SH3BGRL2: variants seen among roughly 807,000 people sequenced by gnomAD.
The protein encoded by SH3BGRL2 is SH3 domain binding glutamate rich protein like 2, also known as SH3 domain-binding glutamic acid-rich-like protein 2.
SH3BGRL2 carries 21 observed loss-of-function variants against 14.8 expected under a neutral mutation model. The ratio of observed to expected loss-of-function variants is 1.42; its 90% confidence interval spans 1.01 to 2.05. The LOEUF (loss-of-function observed/expected upper bound fraction) is 2.05, where lower values mean the gene tolerates loss of function less well. Among genes scored for constraint, SH3BGRL2 ranks in the 30% most tolerant of loss-of-function variants. The probability of loss-of-function intolerance (pLI) is 0.00; values close to 1 mark genes in which losing one functional copy is unlikely to be tolerated. For missense variants in SH3BGRL2, 147 were observed against 130.8 expected, an observed-to-expected ratio of 1.12 and a Z score of -0.61; for synonymous variants, 50 against 47.8, an observed-to-expected ratio of 1.05 and a Z score of -0.19.
the SH3BGRL2 span, among the ~76,000 whole-genome samples, chr6:79,568,208 C>T: frequency 1.3e-5 from 2 of 152,106 alleles, no homozygotes; most frequent in African/African-American, 4.8e-5. Context: ...AGCAATTCCA[C>T]ATGTAGGTAT....
At chr6:79,692,479 T>C (rs1770239914) in intron 2 of SH3BGRL2, among the ~76,000 whole-genome samples, 1 of 152,238 alleles carries the variant, frequency 6.6e-6, no homozygotes, top group Non-Finnish European at 1.5e-5. Context: ...CTAGGGTTTT[T>C]ATGGTTCTAG....
chr6:79,655,365 C>T (rs1417945991), intron 1 of SH3BGRL2, among the ~76,000 whole-genome samples: 1 of 151,758 alleles, frequency 6.6e-6, no homozygotes, highest in African/African-American at 2.4e-5. Flanking sequence ...GCAGTGGCCC[C>T]TTAAGCTTAA....
In SH3BGRL2 at chr6:79,666,509, A is replaced by G. The variant is rs964608500; in HGVS notation, c.46-7105A>G. ...GACAGCATAATCCCTAATAAGGCCA[A>G]GGATGGTGTTTTATTTAAAGAATTT... On this transcript the variant is annotated intron_variant, in intron 1 of 3. Transcript: ENST00000369838. Among the ~76,000 whole-genome samples the G allele has an allele frequency of 7.9e-5, 12 of 152,288 alleles. No homozygotes were observed. The South Asian group carries it at 1.7e-3, about 21-fold the overall frequency.
chr6:79,552,200 A>G, the SH3BGRL2 span, among the ~76,000 whole-genome samples: 2 of 152,240 alleles, frequency 1.3e-5, no homozygotes, highest in Non-Finnish European at 2.9e-5. Context: ...AGTTACTGGA[A>G]TCAGTCTCTT....
chr6:79,641,087 G>A (rs1323796030), intron 1 of SH3BGRL2, among the ~76,000 whole-genome samples: 1 of 152,062 alleles, frequency 6.6e-6, no homozygotes, highest in East Asian at 1.9e-4. Context: ...AGACGTGGGA[G>A]TGTGGTCTTC....
At chr6:79,561,514 A>C in the SH3BGRL2 span, 1 of 152,336 alleles carries the variant, frequency 6.6e-6, no homozygotes, top group South Asian at 2.1e-4. Flanking sequence ...ATAAAATTCC[A>C]AACATCTTGG....
chr6:79,616,955 A>C, the SH3BGRL2 span, among the ~76,000 whole-genome samples: 2 of 152,234 alleles, frequency 1.3e-5, no homozygotes, highest in South Asian at 4.1e-4. Flanking sequence ...TGGGAGGCCA[A>C]GGCGGGCAGA....
At chr6:79,648,635 G>C (rs545748422) in intron 1 of SH3BGRL2, among the ~76,000 whole-genome samples, 1 of 151,756 alleles carries the variant, frequency 6.6e-6, no homozygotes, top group Non-Finnish European at 1.5e-5. Flanking sequence ...AGTTCTTCAC[G>C]GTTAGGGACC....
the SH3BGRL2 span, chr6:79,575,341 C>T: frequency 6.6e-6 from 1 of 152,058 alleles, no homozygotes; most frequent in Non-Finnish European, 1.5e-5. Context: ...TCAGTTTATA[C>T]GAGAGCTGAG....
At chr6:79,574,677 A>T in the SH3BGRL2 span, 21 of 152,342 alleles carry the variant, frequency 1.4e-4, no homozygotes, top group African/African-American at 4.6e-4. Context: ...AAAAATGACT[A>T]AAATGGTAAA....
the SH3BGRL2 span, among the ~76,000 whole-genome samples, chr6:79,537,886 TGA>T: frequency 6.6e-6 from 1 of 152,024 alleles, no homozygotes; most frequent in Non-Finnish European, 1.5e-5. Context: ...GGATGCGGGG[TGA>T]GTGCACTATT....
intron 1 of SH3BGRL2, among the ~76,000 whole-genome samples, chr6:79,632,880 T>G (rs1768852599): frequency 6.6e-6 from 1 of 152,248 alleles, no homozygotes; most frequent in Non-Finnish European, 1.5e-5. Context: ...TTACTAAGAA[T>G]GCTACAAAGC....
At chr6:79,562,968 T>G in the SH3BGRL2 span, among the ~76,000 whole-genome samples, 32 of 152,110 alleles carry the variant, frequency 2.1e-4, no homozygotes, top group Non-Finnish European at 1.5e-4. Flanking sequence ...TGTTTGCTTG[T>G]TTTTTGAGAC....
chr6:79,689,474 G>A (rs1957734028), intron 2 of SH3BGRL2, among the ~76,000 whole-genome samples: 1 of 151,954 alleles, frequency 6.6e-6, no homozygotes, highest in African/African-American at 2.4e-5. Flanking sequence ...CTTTAAGAAT[G>A]GTTTCAATTT....
At position 79,699,739 on chromosome 6, in the gene SH3BGRL2, G is replaced by A; in HGVS notation, c.*230G>A. 1 of 482,368 alleles carries A rather than the reference G, an allele frequency of 2.1e-6. No homozygotes were observed. The highest frequency in any genetic ancestry group is 6.6e-5 in the South Asian group (1 of 15,088). 29.9% of individuals were successfully genotyped at this position (482,368 alleles called of 1,614,324 possible). On this transcript the variant is annotated 3_prime_UTR_variant, in exon 4 of 4. Transcript: ENST00000369838. ...TTTCTTATTCTATTTGCCTGCAGTTGCCTCACTCACCTGGAAATACCGTCA... is the reference window on the plus strand; with the variant it reads ...TTTCTTATTCTATTTGCCTGCAGTTACCTCACTCACCTGGAAATACCGTCA...
At chr6:79,562,074 C>T in the SH3BGRL2 span, among the ~76,000 whole-genome samples, 1 of 152,136 alleles carries the variant, frequency 6.6e-6, no homozygotes, top group African/African-American at 2.4e-5. Context: ...GTATTATTTC[C>T]TATCTCTACA....
At chr6:79,542,854 C>T in the SH3BGRL2 span, among the ~76,000 whole-genome samples, 3,661 of 152,260 alleles carry the variant, frequency 0.024, 55 homozygotes, top group Non-Finnish European at 0.034. Context: ...TCCTCCCTCT[C>T]CTCCCACCCC....
the SH3BGRL2 span, among the ~76,000 whole-genome samples, chr6:79,590,446 T>TAC: frequency 6.7e-5 from 9 of 133,846 alleles, 1 homozygote; most frequent in Admixed American, 7.1e-4. Flanking sequence ...TATATATATA[T>TAC]ATATATATAT....
At chr6:79,590,434 T>TG in the SH3BGRL2 span, among the ~76,000 whole-genome samples, 34 of 84,316 alleles carry the variant, frequency 4.0e-4, no homozygotes, top group South Asian at 2.9e-3. Context: ...GATATATATA[T>TG]ATATATATAT....
Sources: allele counts gnomAD v4.1 joint callset (sites outside exome capture counted in the v4.1 genomes callset), GRCh38; gene constraint gnomAD v4.1.1; transcripts MANE v1.5; gene names NCBI Gene and HGNC (gene_info 2026-07-23, HGNC 2026-07-21).